SYNPR: variants seen among roughly 807,000 people sequenced by gnomAD.
The protein encoded by SYNPR is synaptoporin.
In SYNPR, 23 loss-of-function variants were observed where a neutral mutation model predicts 32.9. That is an observed-to-expected ratio of 0.70 (90% CI 0.50 to 0.99). The LOEUF (loss-of-function observed/expected upper bound fraction) is 0.99, where lower values mean the gene tolerates loss of function less well. Among genes scored for constraint, SYNPR ranks in the 50% least tolerant of loss-of-function variants. The probability of loss-of-function intolerance (pLI) is 0.00; values close to 1 mark genes in which losing one functional copy is unlikely to be tolerated. For synonymous variants in SYNPR, 146 were observed against 135.9 expected, an observed-to-expected ratio of 1.07 and a Z score of -0.52; for missense variants, 318 against 349.3, an observed-to-expected ratio of 0.91 and a Z score of 0.71.
At chr3:63,243,486 A>G (rs2086262999) in intron 1 of SYNPR, among the ~76,000 whole-genome samples, 1 of 152,122 alleles carries the variant, frequency 6.6e-6, no homozygotes, top group African/African-American at 2.4e-5. Flanking sequence ...TACTTCTGCT[A>G]TTCCTATTTC....
At chr3:63,226,468 A>G (rs945506347), upstream of SYNPR, among the ~76,000 whole-genome samples, 20 of 152,188 alleles carry the variant, frequency 1.3e-4, no homozygotes, top group Non-Finnish European at 4.4e-5. Context: ...CCATCAACAG[A>G]CCAATGAATA....
At chr3:63,532,311 A>G (rs1459220680) in intron 3 of SYNPR, among the ~76,000 whole-genome samples, 1 of 152,156 alleles carries the variant, frequency 6.6e-6, no homozygotes, top group East Asian at 1.9e-4. Flanking sequence ...AGTTCTTCCT[A>G]ATGTCTTAGA....
chr3:63,551,416 C>A (rs2047973), intron 3 of SYNPR, among the ~76,000 whole-genome samples: 5,810 of 152,156 alleles, frequency 0.038, 408 homozygotes, highest in African/African-American at 0.13. Flanking sequence ...GTTATCATTT[C>A]TCTTGGGTAT....
chr3:63,329,946 A>G (rs1002222524), intron 2 of SYNPR: 2 of 152,086 alleles, frequency 1.3e-5, no homozygotes, highest in African/African-American at 4.8e-5. Flanking sequence ...CAGTGTTCTG[A>G]TATCAGGTTG....
At chr3:63,591,859 A>T (rs1699834086) in intron 4 of SYNPR, among the ~76,000 whole-genome samples, 1 of 147,188 alleles carries the variant, frequency 6.8e-6, no homozygotes, top group Admixed American at 6.8e-5. Context: ...CTAATGCTAG[A>T]TGACGCGTTA....
chr3:63,583,346 C>A (rs1559542788), intron 4 of SYNPR, among the ~76,000 whole-genome samples: 1 of 152,082 alleles, frequency 6.6e-6, no homozygotes, highest in Non-Finnish European at 1.5e-5. Context: ...ACAGGGGTTA[C>A]AATGGCTGAG....
At chr3:63,474,906 C>G (rs953766603) in intron 2 of SYNPR, among the ~76,000 whole-genome samples, 5 of 152,172 alleles carry the variant, frequency 3.3e-5, no homozygotes, top group Non-Finnish European at 7.3e-5. Flanking sequence ...TGCCATTAAT[C>G]AGCCTGATTT....
At chr3:63,457,160 A>C (rs1220213958) in intron 2 of SYNPR, among the ~76,000 whole-genome samples, 1 of 152,042 alleles carries the variant, frequency 6.6e-6, no homozygotes, top group Non-Finnish European at 1.5e-5. Context: ...TGGTGCCACG[A>C]TGCATACTTA....
the SYNPR span, among the ~76,000 whole-genome samples, chr3:63,206,235 G>A: frequency 6.6e-6 from 1 of 152,108 alleles, no homozygotes; most frequent in Admixed American, 6.5e-5. Flanking sequence ...AGAACCACTT[G>A]CTTAGAATTA....
intron 2 of SYNPR, among the ~76,000 whole-genome samples, chr3:63,308,803 T>G (rs1026835343): frequency 1.3e-5 from 2 of 151,976 alleles, no homozygotes; most frequent in Non-Finnish European, 2.9e-5. Flanking sequence ...GTTTTCTTCA[T>G]GTTTATTGTG....
intron 2 of SYNPR, among the ~76,000 whole-genome samples, chr3:63,378,214 A>C (rs1206533855): frequency 6.6e-6 from 1 of 151,946 alleles, no homozygotes; most frequent in African/African-American, 2.4e-5. Flanking sequence ...AATAACATTC[A>C]ATTATACAGT....
intron 4 of SYNPR, among the ~76,000 whole-genome samples, chr3:63,592,430 G>A (rs1400592502): frequency 2.6e-5 from 4 of 151,864 alleles, no homozygotes; most frequent in African/African-American, 9.7e-5. Flanking sequence ...AATGACCGAG[G>A]AAAAGATGAC....
At chr3:63,611,825 T>TTGCCCACATTAGGCCAGA (rs1485827512) in intron 5 of SYNPR, among the ~76,000 whole-genome samples, 1 of 152,206 alleles carries the variant, frequency 6.6e-6, no homozygotes, top group African/African-American at 2.4e-5. Flanking sequence ...AGAATCTCTT[T>TTGCCCACATTAGGCCAGA]TGCCCACCTT....
chr3:63,556,880 C>G (rs879616607), intron 4 of SYNPR, 139 bp downstream of exon 4: 3 of 873,060 alleles, frequency 3.4e-6, no homozygotes, highest in Non-Finnish European at 5.0e-6. Context: ...CCAAATCTCT[C>G]GAAGCCACAA....
At chr3:63,466,796 C>T (rs1347765925) in intron 2 of SYNPR, among the ~76,000 whole-genome samples, 1 of 134,984 alleles carries the variant, frequency 7.4e-6, no homozygotes, top group East Asian at 2.5e-4. Flanking sequence ...GGGCACTAAT[C>T]CTATCAAATC....
At chr3:63,368,507 G>C (rs2107047359) in intron 2 of SYNPR, among the ~76,000 whole-genome samples, 1 of 152,318 alleles carries the variant, frequency 6.6e-6, no homozygotes, top group African/African-American at 2.4e-5. Context: ...AGGGTCACTT[G>C]TGAAAAAGGC....
At chr3:63,325,614 G>A (rs1201614086) in intron 2 of SYNPR, among the ~76,000 whole-genome samples, 1 of 152,102 alleles carries the variant, frequency 6.6e-6, no homozygotes, top group African/African-American at 2.4e-5. Flanking sequence ...TACACTCAGT[G>A]TAAATTCATT....
intron 4 of SYNPR, among the ~76,000 whole-genome samples, chr3:63,594,713 C>G (rs1207690388): frequency 2.0e-5 from 3 of 152,128 alleles, no homozygotes; most frequent in South Asian, 2.1e-4. Context: ...GTTGGCAGCT[C>G]TCATCATCAT....
chr3:63,389,320 A>G (rs1463359072), intron 2 of SYNPR, among the ~76,000 whole-genome samples: 1 of 152,216 alleles, frequency 6.6e-6, no homozygotes, highest in African/African-American at 2.4e-5. Flanking sequence ...GTGGGGAAAG[A>G]AGGAATTGTT....
Sources: allele counts gnomAD v4.1 joint callset (sites outside exome capture counted in the v4.1 genomes callset), GRCh38; gene constraint gnomAD v4.1.1; transcripts MANE v1.5; gene names NCBI Gene and HGNC (gene_info 2026-07-23, HGNC 2026-07-21).